The following ZNF564 variants were observed in gnomAD, a reference collection of about 807,000 sequenced individuals.
ZNF564 encodes the protein zinc finger protein 564.
In ZNF564, 5 loss-of-function variants were observed where a neutral mutation model predicts 10.5. The ratio of observed to expected loss-of-function variants is 0.48; its 90% CI spans 0.25 to 1.00. The LOEUF is 1.00. Ranked by LOEUF, ZNF564 falls within the 50% of genes least tolerant of loss-of-function variation. The pLI, the probability that ZNF564 is intolerant of heterozygous loss-of-function variation, is 0.16. For missense variants in ZNF564, 603 were observed against 669.7 expected (o/e 0.90, Z 1.10); for synonymous variants, 242 against 218.1 (o/e 1.11, Z -0.97).
intron 1 of ZNF564, among the ~76,000 whole-genome samples, chr19:12,547,383 G>A (rs2022174602): frequency 6.6e-6 from 1 of 152,062 alleles, no homozygotes; most frequent in South Asian, 2.1e-4. Flanking sequence ...TAACCTCTGG[G>A]ATGCTTGCAG....
At chr19:12,528,523 A>C in intron 2 of ZNF564, 47 bp downstream of exon 2, 2 of 1,602,380 alleles carry the variant, frequency 1.2e-6, no homozygotes, top group Non-Finnish European at 1.7e-6. Context: ...AAAGCAAGAA[A>C]TACTTCTTCT....
chr19:12,551,129 G>A (rs1378560855), intron 1 of ZNF564, among the ~76,000 whole-genome samples: 3 of 152,276 alleles, frequency 2.0e-5, no homozygotes, highest in Admixed American at 1.3e-4. Flanking sequence ...GCCGCGCAGG[G>A]ACGGGACAGG....
chr19:12,545,823 T>C (rs1336558021), intron 1 of ZNF564, among the ~76,000 whole-genome samples: 1 of 152,162 alleles, frequency 6.6e-6, no homozygotes, highest in African/African-American at 2.4e-5. Flanking sequence ...ACTCTCTGAA[T>C]GTCTTTGCTC....
At chr19:12,548,187 G>A (rs2022188398) in intron 1 of ZNF564, 1 of 980,044 alleles carries the variant, frequency 1.0e-6, no homozygotes, top group Non-Finnish European at 1.2e-6. Context: ...TATGTATATA[G>A]GAGGAAAGGA....
chr19:12,543,228 G>A (rs971159686), intron 1 of ZNF564, among the ~76,000 whole-genome samples: 6 of 151,382 alleles, frequency 4.0e-5, no homozygotes, highest in Admixed American at 1.3e-4. Context: ...CTTGAACCCA[G>A]GAGGTGGAGG....
At chr19:12,541,439 A>C (rs986898559) in intron 1 of ZNF564, 8 of 151,768 alleles carry the variant, frequency 5.3e-5, no homozygotes, top group African/African-American at 1.9e-4. Flanking sequence ...AATCCCAACT[A>C]CTTGGGAGGC....
chr19:12,528,783 G>C, intron 1 of ZNF564, 87 bp from the exon 2 acceptor site: 1 of 1,444,974 alleles, frequency 6.9e-7, no homozygotes, highest in Non-Finnish European at 9.3e-7. Flanking sequence ...TTCACAAATG[G>C]CTAGGTGTGG....
intron 1 of ZNF564, among the ~76,000 whole-genome samples, chr19:12,539,823 A>G (rs776472484): frequency 5.3e-5 from 8 of 151,494 alleles, no homozygotes; most frequent in Non-Finnish European, 1.2e-4. Flanking sequence ...AAACTACAAA[A>G]AAGAAAAATT....
chr19:12,529,042 C>G (rs923676180), intron 1 of ZNF564, among the ~76,000 whole-genome samples: 1 of 152,102 alleles, frequency 6.6e-6, no homozygotes, highest in Non-Finnish European at 1.5e-5. Context: ...TTCAGCCTGG[C>G]TGACAGAGAG....
intron 1 of ZNF564, among the ~76,000 whole-genome samples, chr19:12,547,870 G>A (rs1179009302): frequency 6.6e-6 from 1 of 151,118 alleles, no homozygotes; most frequent in Non-Finnish European, 1.5e-5. Flanking sequence ...GGAGTGCAGT[G>A]GCACGATCTC....
chr19:12,528,749 G>A (rs2021741706), intron 1 of ZNF564, 53 bp from the exon 2 acceptor site: 4 of 1,562,790 alleles, frequency 2.6e-6, no homozygotes, highest in South Asian at 2.4e-5. Flanking sequence ...GACAGTACAG[G>A]GATGTAAACC....
At position 12,527,253 on chromosome 19, in the gene ZNF564, C is replaced by T; in HGVS notation, c.855G>A (p.Gln285=). Residue 285 remains glutamine (Q), a synonymous_variant, in exon 4 of 4, where the codon CAG becomes CAA. Transcript: ENST00000339282. ...HTGEKPHECK[Q]CGKAFISFTN... Reference sequence around the variant, plus strand: ...TGAAAGAAATGAAGGCCTTCCCACACTGTTTACATTCATGGGGTTTCTCTC... The same window carrying T: ...TGAAAGAAATGAAGGCCTTCCCACATTGTTTACATTCATGGGGTTTCTCTC... The T allele has an allele frequency of 6.2e-7, 1 of 1,613,526 alleles. No individual in the cohort carries two copies. The highest frequency in any genetic ancestry group is 8.5e-7 in the Non-Finnish European group (1 of 1,179,880).
At chr19:12,545,732 G>C (rs770428933) in intron 1 of ZNF564, among the ~76,000 whole-genome samples, 4 of 152,158 alleles carry the variant, frequency 2.6e-5, no homozygotes, top group Non-Finnish European at 4.4e-5. Flanking sequence ...GGCAGGGAAA[G>C]GGGGGTGGAT....
chr19:12,536,011 CAAA>C (rs5827154), intron 1 of ZNF564, among the ~76,000 whole-genome samples: 2 of 110,724 alleles, frequency 1.8e-5, no homozygotes, highest in Admixed American at 8.9e-5. Context: ...GACTCCGTCT[CAAA>C]AAAAAAAAAA....
rs1226680500 is a variant in ZNF564, at chr19:12,525,786, G to A, written c.*660C>T. On this transcript the variant is annotated 3_prime_UTR_variant, in exon 4 of 4. Coordinates refer to ENST00000339282, the MANE Select transcript of ZNF564 (RefSeq NM_144976.4). ...CTGGGAAGTCCAATATCAAGGCACT[G>A]GCATAGTCCATGTCTGGTAAGGGCC... 6.6e-6 allele frequency: 1 copy of A among 152,200 alleles called. No individual in the cohort carries two copies. The highest frequency in any genetic ancestry group is 6.5e-5 in the Admixed American group (1 of 15,272). The allele number at this position is 152,200 out of a possible 1,614,324, so 9.4% of individuals were successfully genotyped here. A position where few individuals can be genotyped will look rare whatever the true frequency, so the allele number is the denominator to read the frequency against.
chr19:12,534,444 T>C (rs548032825), intron 1 of ZNF564, among the ~76,000 whole-genome samples: 7 of 152,230 alleles, frequency 4.6e-5, no homozygotes, highest in African/African-American at 1.2e-4. Context: ...TGTGAAGCAA[T>C]AGGAACCCTC....
chr19:12,528,273 G>A (rs1369341993), intron 3 of ZNF564, 31 bp downstream of exon 3: 4 of 1,577,504 alleles, frequency 2.5e-6, no homozygotes, highest in Non-Finnish European at 3.5e-6. Context: ...CTAAGAAGGA[G>A]ACATTGCTTT....
chr19:12,540,961 A>C (rs541430680), intron 1 of ZNF564, among the ~76,000 whole-genome samples: 5 of 147,342 alleles, frequency 3.4e-5, no homozygotes, highest in African/African-American at 1.2e-4. Flanking sequence ...CGGTGAGCTG[A>C]GATCATACCA....
At position 12,551,360 on chromosome 19, in the gene ZNF564, C is replaced by G; in HGVS notation, c.-28G>C. Reference sequence around the variant, plus strand: ...CCTGGCTTCCAGGGTGTCCCGGGGTCCTGCCTACGGCTCTCTCCGGCCTGT... The same window carrying G: ...CCTGGCTTCCAGGGTGTCCCGGGGTGCTGCCTACGGCTCTCTCCGGCCTGT... On this transcript the variant is annotated 5_prime_UTR_variant, in exon 1 of 4. Coordinates refer to ENST00000339282, the MANE Select transcript of ZNF564 (RefSeq NM_144976.4). 1.3e-6 allele frequency: 2 copies of G among 1,599,528 alleles called. No homozygotes were observed. The highest frequency in any genetic ancestry group is 8.5e-7 in the Non-Finnish European group (1 of 1,173,520).
Sources: allele counts gnomAD v4.1 joint callset (sites outside exome capture counted in the v4.1 genomes callset), GRCh38; gene constraint gnomAD v4.1.1; transcripts MANE v1.5; gene names NCBI Gene and HGNC (gene_info 2026-07-23, HGNC 2026-07-21).